Variants in FBXO36 observed in about 807,000 individuals in gnomAD.
FBXO36 encodes F-box only protein 36.
In FBXO36, 18 loss-of-function variants were observed where a neutral mutation model predicts 17.0. The ratio of observed to expected loss-of-function variants is 1.06; its 90% CI spans 0.73 to 1.57. The LOEUF is 1.57. Ranked by LOEUF, FBXO36 falls within the 40% of genes most tolerant of loss-of-function variation. The pLI, the probability that FBXO36 is intolerant of heterozygous loss-of-function variation, is 0.00. For synonymous variants in FBXO36, 83 were observed against 85.3 expected (o/e 0.97, Z 0.15); for missense variants, 229 against 221.9 (o/e 1.03, Z -0.20).
intron 1 of FBXO36, among the ~76,000 whole-genome samples, chr2:229,932,335 A>C (rs1206451623): frequency 6.6e-6 from 1 of 152,152 alleles, no homozygotes; most frequent in Non-Finnish European, 1.5e-5. Flanking sequence ...AGCCTGACCA[A>C]CATGGAGAAA....
chr2:229,934,660 A>T (rs1250823862), intron 1 of FBXO36, among the ~76,000 whole-genome samples: 1 of 151,990 alleles, frequency 6.6e-6, no homozygotes, highest in East Asian at 1.9e-4. Flanking sequence ...TTCCTTATTT[A>T]TTTTTACTTT....
At chr2:230,001,062 T>C (rs2077356021) in intron 3 of FBXO36, among the ~76,000 whole-genome samples, 1 of 151,974 alleles carries the variant, frequency 6.6e-6, no homozygotes, top group African/African-American at 2.4e-5. Context: ...TTTCACCATG[T>C]TGGCCAGGTT....
intron 1 of FBXO36, among the ~76,000 whole-genome samples, chr2:229,961,320 G>A (rs1008292476): frequency 1.3e-5 from 2 of 151,778 alleles, no homozygotes; most frequent in Non-Finnish European, 2.9e-5. Flanking sequence ...CTAATATATT[G>A]CAAGACACAA....
Position 229,935,550 on chromosome 2 carries a change from C to T in FBXO36, c.96+12941C>T, listed in dbSNP as rs2076959658. Among the ~76,000 whole-genome samples, 2 of 151,924 alleles carry T rather than the reference C, an allele frequency of 1.3e-5. 1 individual carries two copies. Among genetic ancestry groups the T allele is most frequent in the South Asian group, 4.2e-4 (2 of 4,818 alleles). ...TAAATAAAAATAATAATAATAATAT[C>T]GAGCTAGGGAGAGTATTAACACATA... is the stretch of plus-strand genomic sequence containing the variant. On this transcript the variant is annotated intron_variant, in intron 1 of 3. Transcript: ENST00000283946.
intron 3 of FBXO36, among the ~76,000 whole-genome samples, chr2:229,997,632 G>A (rs1054870680): frequency 1.3e-5 from 2 of 151,454 alleles, no homozygotes; most frequent in South Asian, 2.1e-4. Flanking sequence ...CCTGACATCC[G>A]CGTTTCCATT....
intron 3 of FBXO36, among the ~76,000 whole-genome samples, 156 bp downstream of exon 3, chr2:229,997,079 G>T (rs1333845338): frequency 6.6e-6 from 1 of 151,926 alleles, no homozygotes; most frequent in African/African-American, 2.4e-5. Context: ...TCCCCTCAAA[G>T]AACTTACAGT....
chr2:229,986,209 C>T (rs2077267506), intron 2 of FBXO36, among the ~76,000 whole-genome samples: 1 of 151,994 alleles, frequency 6.6e-6, no homozygotes. Flanking sequence ...TATATATTAA[C>T]ACAAAAAGGA....
intron 3 of FBXO36, among the ~76,000 whole-genome samples, chr2:230,000,340 A>C (rs1267242578): frequency 7.1e-6 from 1 of 140,360 alleles, no homozygotes; most frequent in East Asian, 2.1e-4. Context: ...CCTGGACAAC[A>C]GAGTGAGACT....
chr2:229,970,737 T>C (rs1248676210), intron 1 of FBXO36, among the ~76,000 whole-genome samples: 1 of 152,200 alleles, frequency 6.6e-6, no homozygotes, highest in Admixed American at 6.6e-5. Flanking sequence ...CTTTCGTCTG[T>C]GTATTCCACT....
chr2:229,981,861 T>C (rs1393445201), intron 2 of FBXO36, among the ~76,000 whole-genome samples: 2 of 152,080 alleles, frequency 1.3e-5, no homozygotes, highest in African/African-American at 2.4e-5. Context: ...TGGCTCATGG[T>C]TTTGCAGGCT....
chr2:229,936,707 A>G (rs1290330516), intron 1 of FBXO36, among the ~76,000 whole-genome samples: 1 of 151,846 alleles, frequency 6.6e-6, no homozygotes, highest in Non-Finnish European at 1.5e-5. Context: ...TGTCTCTACA[A>G]AAAAAAATTT....
chr2:229,967,924 A>G (rs1388949708), intron 1 of FBXO36, among the ~76,000 whole-genome samples: 1 of 151,878 alleles, frequency 6.6e-6, no homozygotes, highest in Admixed American at 6.6e-5. Context: ...CTCTTTTTCT[A>G]TTGATTGTAA....
intron 1 of FBXO36, among the ~76,000 whole-genome samples, chr2:229,970,011 A>C (rs2077173129): frequency 6.6e-6 from 1 of 152,162 alleles, no homozygotes; most frequent in South Asian, 2.1e-4. Flanking sequence ...GACACTACCA[A>C]ATGCTGGTGA....
chr2:229,980,470 C>G (rs1043009100), intron 2 of FBXO36, among the ~76,000 whole-genome samples: 25 of 152,096 alleles, frequency 1.6e-4, no homozygotes, highest in Non-Finnish European at 3.7e-4. Flanking sequence ...TCCACAAAAA[C>G]CTGGAGATGG....
intron 2 of FBXO36, among the ~76,000 whole-genome samples, chr2:229,983,584 G>A (rs936239472): frequency 6.6e-6 from 1 of 152,130 alleles, no homozygotes; most frequent in African/African-American, 2.4e-5. Context: ...TGGGATTACA[G>A]GTATGAGCCA....
intron 2 of FBXO36, among the ~76,000 whole-genome samples, chr2:229,993,533 A>G (rs1455119324): frequency 6.6e-6 from 1 of 152,168 alleles, no homozygotes; most frequent in African/African-American, 2.4e-5. Flanking sequence ...AGTCACTGAA[A>G]CTGTCTTGGA....
chr2:229,961,852 G>T (rs1432262626), intron 1 of FBXO36, among the ~76,000 whole-genome samples: 1 of 152,030 alleles, frequency 6.6e-6, no homozygotes, highest in Non-Finnish European at 1.5e-5. Context: ...TCAGGTATTG[G>T]CTTTAGGGCC....
At chr2:229,947,521 A>G (rs2077033564) in intron 1 of FBXO36, among the ~76,000 whole-genome samples, 2 of 152,222 alleles carry the variant, frequency 1.3e-5, no homozygotes, top group African/African-American at 4.8e-5. Flanking sequence ...AAGGGATCAC[A>G]TCGACACCAG....
intron 1 of FBXO36, among the ~76,000 whole-genome samples, chr2:229,974,458 C>T (rs2077197317): frequency 6.6e-6 from 1 of 152,166 alleles, no homozygotes; most frequent in Non-Finnish European, 1.5e-5. Flanking sequence ...CCTTCTAAAT[C>T]AGTACCAGAG....
Sources: gnomAD v4.1 joint callset for allele counts (sites outside exome capture counted in the v4.1 genomes callset) on GRCh38, gnomAD v4.1.1 for gene constraint, MANE v1.5 for transcripts, NCBI Gene and HGNC (gene_info 2026-07-23, HGNC 2026-07-21) for gene names.